CDKL1: variants seen among roughly 807,000 people sequenced by gnomAD.
The protein encoded by CDKL1 is cyclin dependent kinase like 1.
Under a neutral mutation model 42.0 loss-of-function variants are expected in CDKL1, and 41 were observed. The observed-to-expected ratio is 0.98, with a 90% CI of 0.76 to 1.27. CDKL1 has a LOEUF of 1.27. Ranked by LOEUF, CDKL1 falls within the 50% of genes most tolerant of loss-of-function variation. CDKL1 has a pLI of 0.00. For synonymous variants in CDKL1, 153 were observed against 158.6 expected, an observed-to-expected ratio of 0.96 and a Z score of 0.26; for missense variants, 394 against 428.4, an observed-to-expected ratio of 0.92 and a Z score of 0.71.
In CDKL1 at chr14:50,341,456, T is replaced by TG. The variant is rs10598932; in HGVS notation, c.455-225dup. Among the ~76,000 whole-genome samples the TG allele has an allele frequency of 5.0e-3, 354 of 71,108 alleles. 4 individuals are homozygous for TG. The highest frequency in any genetic ancestry group is 0.029 in the South Asian group (30 of 1,048). The allele number at this position is 71,108 out of a possible 152,430, so 46.6% of individuals were successfully genotyped here. ...TAAAACAGAATCCCTGGGGAGGGTC[T>TG]GGGGGGGGGGGGGGGGTTATTTGGC... is the stretch of plus-strand genomic sequence containing the variant. On this transcript the variant is annotated intron_variant, in intron 5 of 9. Transcript: ENST00000395834.
chr14:50,380,802 C>CTTTGTTTTTTGTTTTT (rs368170212), intron 2 of CDKL1, among the ~76,000 whole-genome samples: 4 of 134,604 alleles, frequency 3.0e-5, no homozygotes, highest in Admixed American at 1.5e-4. Context: ...CTGTGACTTC[C>CTTTGTTTTTTGTTTTT]TTTTTTTTTT....
At chr14:50,330,923 ATTCT>A (rs1288014330) in intron 9 of CDKL1, 1 of 152,190 alleles carries the variant, frequency 6.6e-6, no homozygotes, top group Non-Finnish European at 1.5e-5. Context: ...AAATCAGTTG[ATTCT>A]TTCAGGATTT....
rs569895226 is a variant in CDKL1 at position 50,395,449 on chromosome 14, A to C, written c.168+252T>G. ...AAGTAAGATATAACCATGTCCCATG[A>C]CATTCTTTTAACATAACATGACTCA... is the stretch of plus-strand genomic sequence containing the variant. On this transcript the variant is annotated intron_variant, in intron 2 of 9. Coordinates refer to ENST00000395834, the MANE Select transcript of CDKL1 (RefSeq NM_004196.7). Among the ~76,000 whole-genome samples, 5 of 152,372 alleles carry C rather than the reference A, an allele frequency of 3.3e-5. No individual in the cohort carries two copies. In the South Asian group the frequency reaches 1.0e-3, roughly 32 times the overall value.
At chr14:50,343,513 T>G (rs2139405314) in intron 4 of CDKL1, among the ~76,000 whole-genome samples, 1 of 152,318 alleles carries the variant, frequency 6.6e-6, no homozygotes, top group African/African-American at 2.4e-5. Flanking sequence ...ATCTCTATTC[T>G]TTTTACCACT....
intron 2 of CDKL1, chr14:50,378,070 A>G: frequency 2.9e-6 from 3 of 1,026,720 alleles, no homozygotes; most frequent in Middle Eastern, 3.8e-4. Context: ...GGATAGGGAC[A>G]TCTACGAGAA....
Position 50,330,010 on chromosome 14 carries a change from A to G in CDKL1, c.*64T>C, listed in dbSNP as rs925209933. ...ATTGTAATTGTTTTCAATCAACTGTATAAGTTTTATTTTCTTCAAAGCATC... is the reference window on the plus strand; with the variant it reads ...ATTGTAATTGTTTTCAATCAACTGTGTAAGTTTTATTTTCTTCAAAGCATC... On this transcript the variant is annotated 3_prime_UTR_variant, in exon 10 of 10. Transcript: ENST00000395834. 1.1e-5 allele frequency: 17 copies of G among 1,557,498 alleles called. No individual in the cohort carries two copies. Among genetic ancestry groups the G allele is most frequent in the Middle Eastern group, 3.4e-4 (2 of 5,854 alleles).
chr14:50,335,415 C>G, intron 7 of CDKL1: 1 of 1,378,222 alleles, frequency 7.3e-7, no homozygotes, highest in African/African-American at 1.5e-5. Flanking sequence ...CTGGAATAAA[C>G]ACTGTTGTCT....
intron 2 of CDKL1, among the ~76,000 whole-genome samples, chr14:50,386,886 G>T (rs759610208): frequency 2.0e-5 from 3 of 152,034 alleles, no homozygotes; most frequent in Non-Finnish European, 4.4e-5. Flanking sequence ...AACCAGCCAG[G>T]TGTGGTGGCA....
chr14:50,372,083 T>C (rs1293920830), intron 2 of CDKL1, among the ~76,000 whole-genome samples: 1 of 152,192 alleles, frequency 6.6e-6, no homozygotes, highest in East Asian at 1.9e-4. Flanking sequence ...TGTTTGAGTG[T>C]ATTATATGTT....
intron 7 of CDKL1, among the ~76,000 whole-genome samples, chr14:50,337,746 T>C (rs1048460428): frequency 6.0e-5 from 9 of 149,884 alleles, no homozygotes; most frequent in African/African-American, 2.2e-4. Context: ...AGTGCAGCGA[T>C]CTCAGGTCAC....
intron 3 of CDKL1, among the ~76,000 whole-genome samples, chr14:50,353,415 A>C (rs1189422489): frequency 6.6e-6 from 1 of 152,212 alleles, no homozygotes. Flanking sequence ...TTTGTGACAC[A>C]GATCATCAAA....
intron 9 of CDKL1, chr14:50,330,556 A>C (rs2032880651): frequency 5.0e-6 from 1 of 200,522 alleles, no homozygotes; most frequent in South Asian, 8.5e-5. Context: ...GCACCTAGGC[A>C]ATTTGCCTAC....
chr14:50,332,330 G>GTTCTT lies in CDKL1; in HGVS notation c.893_897dup (p.His300LysfsTer11). 2.5e-6 allele frequency: 4 copies of GTTCTT among 1,614,128 alleles called. No homozygotes were observed. The highest frequency in any genetic ancestry group is 3.4e-6 in the Non-Finnish European group (4 of 1,180,020). On this transcript the variant is annotated frameshift_variant, in exon 9 of 10. Coordinates refer to ENST00000395834, the MANE Select transcript of CDKL1 (RefSeq NM_004196.7). LOFTEE classifies it high-confidence loss of function. ...AGGGTCTTCCTTGTTGGTTTGTTGT[G>GTTCTT]TTCTTTTGCCAAATCCTCTATTTCT...
chr14:50,339,689 A>G lies in CDKL1; in HGVS notation c.656-660T>C, dbSNP rs79006425. On this transcript the variant is annotated intron_variant, in intron 6 of 9. Transcript: ENST00000395834. Reference sequence around the variant, plus strand: ...CATCTACTGTTTAGAAGCACTTACAATGTGACATAATGAAACAAGAAGAGT... The same window carrying G: ...CATCTACTGTTTAGAAGCACTTACAGTGTGACATAATGAAACAAGAAGAGT... 2.4e-3 allele frequency among the ~76,000 whole-genome samples: 359 copies of G among 152,298 alleles called. 1 individual carries two copies. The highest frequency in any genetic ancestry group is 7.8e-3 in the African/African-American group (323 of 41,568).
At chr14:50,377,546 G>C (rs2034768877) in intron 2 of CDKL1, 1 of 1,312,694 alleles carries the variant, frequency 7.6e-7, no homozygotes, top group Admixed American at 2.2e-5. Flanking sequence ...GGTACCTGAA[G>C]TGGCCTTAGC....
intron 3 of CDKL1, chr14:50,357,148 C>T (rs2139443416): frequency 6.6e-6 from 1 of 152,296 alleles, no homozygotes; most frequent in South Asian, 2.1e-4. Flanking sequence ...ATGTTTTCTC[C>T]TTTGAAAACA....
At chr14:50,378,789 C>T (rs1044856119) in intron 2 of CDKL1, among the ~76,000 whole-genome samples, 6 of 151,996 alleles carry the variant, frequency 3.9e-5, no homozygotes, top group African/African-American at 9.7e-5. Context: ...CTGCCACCTC[C>T]GCATCCCAAA....
chr14:50,363,441 C>G (rs952224545), intron 2 of CDKL1: 3 of 152,386 alleles, frequency 2.0e-5, no homozygotes, highest in Admixed American at 6.5e-5. Context: ...GATGTCTCAA[C>G]CAGAGAGTAA....
intron 3 of CDKL1, among the ~76,000 whole-genome samples, chr14:50,351,649 T>G (rs958844449): frequency 7.9e-5 from 12 of 151,426 alleles, no homozygotes; most frequent in Admixed American, 7.9e-4. Context: ...GTGGGAGGAT[T>G]ATTTGAGCCT....
Sources: gnomAD v4.1 joint callset for allele counts (sites outside exome capture counted in the v4.1 genomes callset) on GRCh38, gnomAD v4.1.1 for gene constraint, MANE v1.5 for transcripts, NCBI Gene and HGNC (gene_info 2026-07-23, HGNC 2026-07-21) for gene names.